The following CDK14 variants were observed in gnomAD, a reference collection of about 807,000 sequenced individuals.
The protein encoded by CDK14 is cyclin-dependent kinase 14.
Under a neutral mutation model 60.7 loss-of-function variants are expected in CDK14, and 34 were observed. That is an observed-to-expected ratio of 0.56 (90% CI 0.43 to 0.75). The LOEUF (loss-of-function observed/expected upper bound fraction) is 0.75. Among genes scored for constraint, CDK14 ranks in the 30% least tolerant of loss-of-function variants. The pLI, the probability that CDK14 is intolerant of heterozygous loss-of-function variation, is 0.00. For synonymous variants in CDK14, 197 were observed against 203.7 expected, an observed-to-expected ratio of 0.97 and a Z score of 0.28; for missense variants, 482 against 564.1, an observed-to-expected ratio of 0.85 and a Z score of 1.47.
chr7:90,703,611 A>T (rs1181067088), intron 2 of CDK14, among the ~76,000 whole-genome samples: 1 of 152,246 alleles, frequency 6.6e-6, no homozygotes, highest in African/African-American at 2.4e-5. Context: ...AATTGAATTA[A>T]TGAGGAAGCA....
intron 14 of CDK14, among the ~76,000 whole-genome samples, chr7:91,120,347 G>A (rs976672676): frequency 6.6e-6 from 1 of 152,104 alleles, no homozygotes; most frequent in African/African-American, 2.4e-5. Context: ...TTTTTTAAAA[G>A]GTGCTCAGAA....
At chr7:90,682,545 G>A (rs1027821893) in intron 2 of CDK14, among the ~76,000 whole-genome samples, 29 of 152,148 alleles carry the variant, frequency 1.9e-4, no homozygotes, top group Non-Finnish European at 2.9e-4. Flanking sequence ...ATTATGCAGT[G>A]CAGTTATCAC....
chr7:90,885,391 C>T (rs184933518), intron 6 of CDK14, among the ~76,000 whole-genome samples: 64 of 152,210 alleles, frequency 4.2e-4, no homozygotes, highest in African/African-American at 1.3e-3. Flanking sequence ...CCATCTCATG[C>T]CAGTCAGAAT....
At chr7:90,983,636 C>T (rs900897772) in intron 9 of CDK14, among the ~76,000 whole-genome samples, 4 of 150,136 alleles carry the variant, frequency 2.7e-5, no homozygotes, top group South Asian at 2.1e-4. Flanking sequence ...GCAGAGATCG[C>T]GCCACTGCAC....
At chr7:91,092,151 T>C (rs1290522393) in intron 12 of CDK14, among the ~76,000 whole-genome samples, 2 of 152,162 alleles carry the variant, frequency 1.3e-5, no homozygotes, top group Non-Finnish European at 2.9e-5. Flanking sequence ...AGATATGAAA[T>C]GTCACCTTTC....
At chr7:91,187,568 T>C (rs1562987677) in intron 14 of CDK14, among the ~76,000 whole-genome samples, 1 of 152,118 alleles carries the variant, frequency 6.6e-6, no homozygotes, top group African/African-American at 2.4e-5. Flanking sequence ...ATACCCAAGG[T>C]CTGTAGTCTA....
intron 3 of CDK14, among the ~76,000 whole-genome samples, chr7:90,728,933 C>A (rs553639578): frequency 6.6e-6 from 1 of 151,918 alleles, no homozygotes; most frequent in Admixed American, 6.6e-5. Context: ...AATGGACTTA[C>A]CCAATTTATT....
intron 5 of CDK14, among the ~76,000 whole-genome samples, chr7:90,800,283 A>G (rs1356088354): frequency 1.3e-5 from 2 of 152,210 alleles, no homozygotes; most frequent in Admixed American, 1.3e-4. Flanking sequence ...GATAAAGGAA[A>G]AAGAACAACT....
intron 2 of CDK14, among the ~76,000 whole-genome samples, chr7:90,605,791 A>G (rs1334432969): frequency 6.6e-6 from 1 of 152,160 alleles, no homozygotes; most frequent in Non-Finnish European, 1.5e-5. Context: ...TTTTTCTTTG[A>G]TATGATAACA....
intron 13 of CDK14, among the ~76,000 whole-genome samples, chr7:91,113,303 C>G (rs867187787): frequency 6.6e-6 from 1 of 152,198 alleles, no homozygotes; most frequent in African/African-American, 2.4e-5. Flanking sequence ...TGCAAATGCT[C>G]TTGGTATTTG....
intron 14 of CDK14, among the ~76,000 whole-genome samples, chr7:91,192,703 A>G (rs1202363912): frequency 6.6e-6 from 1 of 152,216 alleles, no homozygotes; most frequent in Non-Finnish European, 1.5e-5. Flanking sequence ...TATCAGTAGT[A>G]AGAATGGGTA....
intron 2 of CDK14, among the ~76,000 whole-genome samples, chr7:90,659,905 G>A (rs1013049059): frequency 4.7e-5 from 7 of 149,534 alleles, no homozygotes; most frequent in African/African-American, 7.4e-5. Flanking sequence ...GTGTGTGCAC[G>A]CACGTGCTCA....
At chr7:91,171,685 C>G (rs1051201814) in intron 14 of CDK14, among the ~76,000 whole-genome samples, 1 of 152,084 alleles carries the variant, frequency 6.6e-6, no homozygotes, top group Non-Finnish European at 1.5e-5. Context: ...CTCACTCTGT[C>G]GCCGAGGCTG....
At chr7:90,743,906 GT>G (rs200743433) in intron 3 of CDK14, among the ~76,000 whole-genome samples, 2 of 149,144 alleles carry the variant, frequency 1.3e-5, no homozygotes, top group South Asian at 2.2e-4. Flanking sequence ...GATTTTCTTT[GT>G]TTTTTTTATT....
intron 4 of CDK14, among the ~76,000 whole-genome samples, chr7:90,766,167 T>C (rs571159149): frequency 5.9e-5 from 9 of 152,332 alleles, no homozygotes; most frequent in Non-Finnish European, 1.3e-4. Context: ...TCTTCATTGA[T>C]ACTAGTTGTG....
intron 5 of CDK14, among the ~76,000 whole-genome samples, chr7:90,805,434 CAA>C (rs1788786699): frequency 1.4e-5 from 1 of 71,876 alleles, no homozygotes; most frequent in Non-Finnish European, 2.9e-5. Flanking sequence ...GGAATTTTCT[CAA>C]CACACACACA....
In CDK14 at chr7:90,604,157, A is replaced by G. The variant is rs1799371732; in HGVS notation, c.92-61A>G. 6 of 1,134,020 alleles carry G rather than the reference A, an allele frequency of 5.3e-6. No homozygotes were observed. The East Asian group carries it at 1.0e-4, about 19-fold the overall frequency. 70.2% of individuals were successfully genotyped at this position (1,134,020 alleles called of 1,614,324 possible). On this transcript the variant is annotated intron_variant, in intron 1 of 14. Coordinates refer to ENST00000380050, the MANE Select transcript of CDK14 (RefSeq NM_001287135.2). ...TGCCTTGTTTTTTTTTCTGTTTTCT[A>G]TAACTTAGTCTCTTTGGAATTTTTC...
chr7:90,959,962 A>G (rs1046151225), intron 9 of CDK14, among the ~76,000 whole-genome samples: 4 of 152,128 alleles, frequency 2.6e-5, no homozygotes, highest in Non-Finnish European at 4.4e-5. Flanking sequence ...TGGATTTATA[A>G]CTCTGTGAAA....
chr7:90,965,054 C>G (rs1794711217), intron 9 of CDK14, among the ~76,000 whole-genome samples: 1 of 152,138 alleles, frequency 6.6e-6, no homozygotes, highest in Non-Finnish European at 1.5e-5. Context: ...TTTTACGTCT[C>G]CTTTCCTCAG....
Sources: gnomAD v4.1 joint callset for allele counts (sites outside exome capture counted in the v4.1 genomes callset) on GRCh38, gnomAD v4.1.1 for gene constraint, MANE v1.5 for transcripts, NCBI Gene and HGNC (gene_info 2026-07-23, HGNC 2026-07-21) for gene names.